The following ANKRD36 variants were observed in gnomAD, a reference collection of about 807,000 sequenced individuals.
ANKRD36 encodes ankyrin repeat domain 36.
A neutral mutation model predicts 278.1 loss-of-function variants in ANKRD36; 179 were observed. That is an observed-to-expected ratio of 0.64 (90% CI 0.57 to 0.73). ANKRD36 has a LOEUF of 0.73. ANKRD36 is among the 30% of genes least tolerant of loss of function. The pLI is 0.00. For missense variants in ANKRD36, 1,159 were observed against 1,956.7 expected (o/e 0.59, Z 7.69); for synonymous variants, 320 against 641.1 (o/e 0.50, Z 7.57).
intron 50 of ANKRD36, among the ~76,000 whole-genome samples, chr2:97,205,702 T>G (rs1055298278): frequency 1.3e-5 from 2 of 151,454 alleles, no homozygotes; most frequent in African/African-American, 4.8e-5. Context: ...TATTTTAGTT[T>G]TCGACATATG....
At chr2:97,131,630 C>G (rs1194719317) in intron 6 of ANKRD36, among the ~76,000 whole-genome samples, 2 of 151,976 alleles carry the variant, frequency 1.3e-5, no homozygotes. Context: ...TTGACCTGTT[C>G]TATGAAGAAC....
intron 1 of ANKRD36, among the ~76,000 whole-genome samples, chr2:97,117,510 G>T (rs2035808539): frequency 1.3e-5 from 2 of 151,944 alleles, no homozygotes; most frequent in Non-Finnish European, 2.9e-5. Flanking sequence ...CCAATGTCAG[G>T]AGATGTTAAT....
In ANKRD36 at chr2:97,196,612, A is replaced by C; in HGVS notation, c.2571A>C (p.Pro857=). Residue 857 remains proline (P), a synonymous_variant, in exon 41 of 76, where the codon CCA becomes CCC. Transcript: ENST00000420699. ...TTTCAGTGTCTTCTCAGAAACCACC[A>C]ACCTTGAAGGTAATGAAACTCCCAT... ...ISRKVSSQKP[P]TLKGTSDEED... is the part of the protein sequence containing the mutation. The C allele has an allele frequency of 6.2e-7, 1 of 1,604,596 alleles. No individual in the cohort carries two copies. Among genetic ancestry groups the C allele is most frequent in the East Asian group, 2.2e-5 (1 of 44,570 alleles).
intron 46 of ANKRD36, among the ~76,000 whole-genome samples, chr2:97,201,159 A>C (rs2061272225): frequency 1.3e-5 from 2 of 151,906 alleles, no homozygotes; most frequent in Admixed American, 6.6e-5. Flanking sequence ...TTGGCATAAA[A>C]ACACAATAAC....
intron 46 of ANKRD36, 57 bp from the exon 47 acceptor site, chr2:97,202,145 A>G: frequency 2.5e-6 from 4 of 1,603,902 alleles, no homozygotes; most frequent in Non-Finnish European, 2.5e-6. Context: ...GCTCGAATGT[A>G]TGGAAATCTT....
intron 1 of ANKRD36, 41 bp from the exon 2 acceptor site, chr2:97,118,023 C>T (rs1431626495): frequency 2.6e-6 from 4 of 1,538,758 alleles, no homozygotes; most frequent in Non-Finnish European, 3.5e-6. Flanking sequence ...CTAATTAATG[C>T]TTACAGTTAC....
rs2047214799 is a variant in ANKRD36 at position 97,155,439 on chromosome 2, C to A, written c.1260+698C>A. 2.1e-5 allele frequency among the ~76,000 whole-genome samples: 3 copies of A among 145,898 alleles called. 1 individual carries two copies. The highest frequency in any genetic ancestry group is 7.3e-5 in the African/African-American group (3 of 41,132). On this transcript the variant is annotated intron_variant, in intron 15 of 75. Transcript: ENST00000420699. ...GCTTGGCAATACAGCAAGAGCTTAT[C>A]TCTAATTTAAAAAATTGTGGAATAT... is the stretch of plus-strand genomic sequence containing the variant.
rs1166907637 is a variant in ANKRD36 at position 97,211,407 on chromosome 2, C to G, written c.3368-139C>G. On this transcript the variant is annotated intron_variant, in intron 56 of 75. Transcript: ENST00000420699. ...AGTGTATTTCTGTCATGTTCTGGTC[C>G]CCAGACACAAAGTAGAAGCCGTCAA... 18 of 1,357,764 alleles carry G rather than the reference C, an allele frequency of 1.3e-5. No individual in the cohort carries two copies. The African/African-American group carries it at 2.4e-4, about 18-fold the overall frequency. The allele number at this position is 1,357,764 out of a possible 1,614,324, so 84.1% of individuals were successfully genotyped here.
In ANKRD36 at chr2:97,227,939, T is replaced by C. The variant is rs1468967343; in HGVS notation, c.3951+3060T>C. 1.7e-4 allele frequency among the ~76,000 whole-genome samples: 26 copies of C among 152,146 alleles called. 1 individual carries two copies. Among genetic ancestry groups the C allele is most frequent in the Non-Finnish European group, 2.9e-4 (20 of 68,054 alleles). On this transcript the variant is annotated intron_variant, in intron 67 of 75. Transcript: ENST00000420699. ...TTCTGTTTATAAGCTGGATTACATT[T>C]ATTTATTTGCGTATATTGAACCAGC...
chr2:97,156,622 G>T (rs1317807197), intron 15 of ANKRD36, among the ~76,000 whole-genome samples: 1 of 136,066 alleles, frequency 7.3e-6, no homozygotes, highest in Non-Finnish European at 1.6e-5. Context: ...GTCTATCATT[G>T]TTGGACATTT....
chr2:97,219,860 T>G (rs1165466663), intron 66 of ANKRD36, among the ~76,000 whole-genome samples: 1 of 145,140 alleles, frequency 6.9e-6, no homozygotes, highest in Non-Finnish European at 1.5e-5. Flanking sequence ...ATTTCAATAG[T>G]TTTTAGCGAA....
intron 67 of ANKRD36, among the ~76,000 whole-genome samples, chr2:97,229,937 C>G (rs1357333953): frequency 8.8e-5 from 12 of 135,938 alleles, no homozygotes; most frequent in Admixed American, 8.3e-4. Context: ...GTTGAAAATT[C>G]TTTTCTTTAA....
chr2:97,126,303 T>C (rs1243136613), intron 5 of ANKRD36, among the ~76,000 whole-genome samples: 3 of 145,470 alleles, frequency 2.1e-5, no homozygotes, highest in African/African-American at 7.6e-5. Flanking sequence ...CATCTGCTCA[T>C]TCAGTTAGAG....
At chr2:97,225,846 A>G (rs1276794514) in intron 67 of ANKRD36, among the ~76,000 whole-genome samples, 3 of 150,250 alleles carry the variant, frequency 2.0e-5, no homozygotes, top group African/African-American at 4.9e-5. Flanking sequence ...TCATTGTTCA[A>G]TTCCCACCTA....
At chr2:97,226,728 A>T (rs1171123831) in intron 67 of ANKRD36, among the ~76,000 whole-genome samples, 2 of 151,648 alleles carry the variant, frequency 1.3e-5, no homozygotes, top group African/African-American at 4.8e-5. Context: ...GGTAATGCCT[A>T]GGTTTTCTTC....
intron 64 of ANKRD36, among the ~76,000 whole-genome samples, chr2:97,218,294 T>G (rs2066485245): frequency 6.7e-6 from 1 of 148,664 alleles, no homozygotes; most frequent in Non-Finnish European, 1.5e-5. Flanking sequence ...TCCAAATGTA[T>G]AAGTTTATTA....
chr2:97,194,152 G>T (rs981236705), intron 38 of ANKRD36, among the ~76,000 whole-genome samples: 1 of 151,604 alleles, frequency 6.6e-6, no homozygotes, highest in Non-Finnish European at 1.5e-5. Context: ...GGGTGTGAGG[G>T]ATAATGAATA....
intron 48 of ANKRD36, 105 bp from the exon 49 acceptor site, chr2:97,203,963 C>A: frequency 2.0e-6 from 3 of 1,492,186 alleles, no homozygotes; most frequent in Non-Finnish European, 2.7e-6. Context: ...AAAGCATACG[C>A]TAATACAGGC....
chr2:97,201,560 A>T (rs1231398838), intron 46 of ANKRD36, among the ~76,000 whole-genome samples: 2 of 151,928 alleles, frequency 1.3e-5, no homozygotes, highest in Non-Finnish European at 2.9e-5. Flanking sequence ...GGATGAAGAA[A>T]CTTTTGGAAG....
Sources: allele counts gnomAD v4.1 joint callset (sites outside exome capture counted in the v4.1 genomes callset), GRCh38; gene constraint gnomAD v4.1.1; transcripts MANE v1.5; gene names NCBI Gene and HGNC (gene_info 2026-07-23, HGNC 2026-07-21).